The following UTP6 variants were observed in gnomAD, a reference collection of about 807,000 sequenced individuals.
The protein encoded by UTP6 is UTP6 small subunit processome component, also known as U3 small nucleolar RNA-associated protein 6 homolog.
A neutral mutation model predicts 96.5 loss-of-function variants in UTP6; 60 were observed. The ratio of observed to expected loss-of-function variants is 0.62; its 90% CI spans 0.51 to 0.77. The LOEUF (loss-of-function observed/expected upper bound fraction) is 0.77. UTP6 is among the 30% of genes least tolerant of loss of function. The probability of loss-of-function intolerance (pLI) is 0.00; values close to 1 mark genes in which losing one functional copy is unlikely to be tolerated. For missense variants in UTP6, 637 were observed against 706.5 expected, an observed-to-expected ratio of 0.90 and a Z score of 1.12; for synonymous variants, 215 against 240.1, an observed-to-expected ratio of 0.90 and a Z score of 0.96.
intron 16 of UTP6, among the ~76,000 whole-genome samples, chr17:31,872,741 C>T (rs1411813569): frequency 2.0e-5 from 3 of 152,018 alleles, no homozygotes; most frequent in Admixed American, 2.0e-4. Context: ...TGGCTCATGC[C>T]TGTAATCCCA....
intron 4 of UTP6, 70 bp from the exon 5 acceptor site, chr17:31,892,864 A>C: frequency 1.3e-6 from 2 of 1,587,388 alleles, no homozygotes; most frequent in Non-Finnish European, 1.7e-6. Context: ...TGCATTAATT[A>C]ATTTTGCTAA....
chr17:31,890,935 T>C (rs1041183719), intron 6 of UTP6, among the ~76,000 whole-genome samples: 1 of 152,062 alleles, frequency 6.6e-6, no homozygotes, highest in Non-Finnish European at 1.5e-5. Flanking sequence ...TGCAGTGAGC[T>C]GATATCACAC....
chr17:31,898,080 GA>G (rs200650277), intron 2 of UTP6, among the ~76,000 whole-genome samples: 1 of 143,940 alleles, frequency 6.9e-6, no homozygotes, highest in Non-Finnish European at 1.5e-5. Context: ...AAACCCAGTA[GA>G]AAAAAAAAAG....
At position 31,865,390 on chromosome 17, in the gene UTP6, T is replaced by TC. The variant is rs765178587; in HGVS notation, c.1611dup (p.Arg538GlufsTer9). The TC allele has an allele frequency of 6.2e-7, 1 of 1,614,066 alleles. No homozygotes were observed. The highest frequency in any genetic ancestry group is 1.7e-5 in the Admixed American group (1 of 59,996). ...CCAGAATCTGCGGATCCAAACTCTC[T>TC]CAAAGCTCTCTCATAATATTCTCTT... On this transcript the variant is annotated frameshift_variant, in exon 18 of 19. Coordinates refer to ENST00000261708, the MANE Select transcript of UTP6 (RefSeq NM_018428.3). LOFTEE classifies it high-confidence loss of function.
chr17:31,884,592 T>G (rs1911044462), intron 9 of UTP6, 87 bp from the exon 10 acceptor site: 1 of 1,008,290 alleles, frequency 9.9e-7, no homozygotes, highest in African/African-American at 1.7e-5. Flanking sequence ...TGTACTGGAG[T>G]TAATCTTCTT....
At position 31,889,348 on chromosome 17, in the gene UTP6, G is replaced by A. The variant is rs762760099; in HGVS notation, c.480C>T (p.Ser160=). 1.4e-5 allele frequency: 23 copies of A among 1,613,726 alleles called. No individual in the cohort carries two copies. The highest frequency in any genetic ancestry group is 4.5e-5 in the East Asian group (2 of 44,898). Residue 160 remains serine (S), a synonymous_variant, in exon 7 of 19, where the codon AGC becomes AGT. Coordinates refer to ENST00000261708, the MANE Select transcript of UTP6 (RefSeq NM_018428.3). Reference sequence around the variant, plus strand: ...GTGCGCGAAGAAATAGTTGCCTTGCGCTTTCTGAAGACAATCGATCTTCCA... The same window carrying A: ...GTGCGCGAAGAAATAGTTGCCTTGCACTTTCTGAAGACAATCGATCTTCCA... The part of the protein sequence containing the change: ...WEMEDRLSSE[S]ARQLFLRALR...
Position 31,896,812 on chromosome 17 carries a change from T to C in UTP6, c.178-1801A>G, listed in dbSNP as rs1598121120. Among the ~76,000 whole-genome samples the C allele has an allele frequency of 2.6e-5, 4 of 152,036 alleles. No homozygotes were observed. In the South Asian group the frequency reaches 8.3e-4, roughly 32 times the overall value. On this transcript the variant is annotated intron_variant, in intron 2 of 18. Coordinates refer to ENST00000261708, the MANE Select transcript of UTP6 (RefSeq NM_018428.3). ...CCACCATGCCCAGCTAATTTTTGTATTTTTTGTAGAGATGGGGTTTGCCAT... is the reference window on the plus strand; with the variant it reads ...CCACCATGCCCAGCTAATTTTTGTACTTTTTGTAGAGATGGGGTTTGCCAT...
intron 16 of UTP6, among the ~76,000 whole-genome samples, chr17:31,871,731 TA>T (rs992685719): frequency 1.0e-4 from 15 of 150,086 alleles, no homozygotes; most frequent in Middle Eastern, 3.5e-3. Context: ...CCATCTCTAC[TA>T]AAAATAAAAA....
At position 31,887,259 on chromosome 17, in the gene UTP6, ATTCTTCC is replaced by A; in HGVS notation, c.591_597del (p.Lys197AsnfsTer32). The A allele has an allele frequency of 6.2e-7, 1 of 1,614,120 alleles. No individual in the cohort carries two copies. Among genetic ancestry groups the A allele is most frequent in the South Asian group, 1.1e-5 (1 of 91,078 alleles). ...ACCACATCCATACTGGCTTTTTCAA[ATTCTTCC>A]TTCTCCTTCCTCAGTTTTTCAGCAT... On this transcript the variant is annotated frameshift_variant, in exon 8 of 19. Coordinates refer to ENST00000261708, the MANE Select transcript of UTP6 (RefSeq NM_018428.3). LOFTEE classifies it high-confidence loss of function.
chr17:31,896,156 C>A (rs1270359617), intron 2 of UTP6, among the ~76,000 whole-genome samples: 1 of 151,896 alleles, frequency 6.6e-6, no homozygotes, highest in Non-Finnish European at 1.5e-5. Flanking sequence ...AGGCTCACTG[C>A]AACCTCCGCC....
rs555519103 is a variant in UTP6 at position 31,868,049 on chromosome 17, C to G, written c.1560G>C (p.Glu520Asp). The change falls in exon 17 of 19, where the codon GAG becomes GAC. Residue 520 changes from glutamate to aspartate, a missense_variant. Physicochemically the swap from Glu to Asp is conservative, Grantham distance 45. Coordinates refer to ENST00000261708, the MANE Select transcript of UTP6 (RefSeq NM_018428.3). ...FFRKMIQFEK[E>D]QESCNMANIR... is the part of the protein sequence containing the mutation. ...AATGCTGAAACAGAACACTTACTTG[C>G]TCCTTTTCAAACTGAATCATTTTCC... is the stretch of plus-strand genomic sequence containing the variant. 4 of 1,613,132 alleles carry G rather than the reference C, an allele frequency of 2.5e-6. No individual in the cohort carries two copies. In the Admixed American group the frequency reaches 6.7e-5, roughly 27 times the overall value.
At chr17:31,870,373 T>C (rs1268490051) in intron 16 of UTP6, among the ~76,000 whole-genome samples, 2 of 152,184 alleles carry the variant, frequency 1.3e-5, no homozygotes, top group East Asian at 1.9e-4. Context: ...AGTGAGATGG[T>C]ATCTCATTGT....
intron 2 of UTP6, among the ~76,000 whole-genome samples, chr17:31,898,520 C>T (rs1209777506): frequency 5.4e-5 from 8 of 148,194 alleles, no homozygotes; most frequent in Non-Finnish European, 3.0e-5. Context: ...AGTGAAACTC[C>T]ATCTCAAAAA....
At chr17:31,868,462 T>G (rs561541286) in intron 16 of UTP6, among the ~76,000 whole-genome samples, 1 of 149,560 alleles carries the variant, frequency 6.7e-6, no homozygotes, top group African/African-American at 2.4e-5. Context: ...GTAGAGTAAC[T>G]GTGACTACAG....
chr17:31,898,280 T>C (rs908900822), intron 2 of UTP6, among the ~76,000 whole-genome samples: 1 of 152,146 alleles, frequency 6.6e-6, no homozygotes, highest in Admixed American at 6.5e-5. Context: ...CTCATGCCTG[T>C]AATTCCAGCA....
rs1909592935 is a variant in UTP6 at position 31,862,511 on chromosome 17, G to C, written c.*848C>G. 6.6e-6 allele frequency: 1 copy of C among 151,592 alleles called. No individual in the cohort carries two copies. The highest frequency in any genetic ancestry group is 6.6e-5 in the Admixed American group (1 of 15,180). 9.4% of individuals were successfully genotyped at this position (151,592 alleles called of 1,614,324 possible). ...TATTCTATTTCCTCCATATTTTCCA[G>C]AACAAATGCATACCACGTATCTTTT... On this transcript the variant is annotated 3_prime_UTR_variant, in exon 19 of 19. Coordinates refer to ENST00000261708, the MANE Select transcript of UTP6 (RefSeq NM_018428.3).
intron 10 of UTP6, 31 bp from the exon 11 acceptor site, chr17:31,880,785 CACA>C (rs747291571): frequency 1.2e-6 from 2 of 1,612,264 alleles, no homozygotes; most frequent in Non-Finnish European, 1.7e-6. Flanking sequence ...TTATCAATCC[CACA>C]ACAAGAAACT....
chr17:31,901,209 AT>A, intron 1 of UTP6: 1 of 311,520 alleles, frequency 3.2e-6, no homozygotes, highest in Admixed American at 3.9e-5. Flanking sequence ...GTACACTGTT[AT>A]CAAAATATTT....
rs947493107 is a variant in UTP6, at chr17:31,860,977, T to C, written c.*2382A>G. On this transcript the variant is annotated 3_prime_UTR_variant, in exon 19 of 19. Coordinates refer to ENST00000261708, the MANE Select transcript of UTP6 (RefSeq NM_018428.3). Reference sequence around the variant, plus strand: ...GAGAGAAACATAACTGCCCAAATAGTGTTGGCAAAATTAACTGCTTGGGGA... The same window carrying C: ...GAGAGAAACATAACTGCCCAAATAGCGTTGGCAAAATTAACTGCTTGGGGA... 14 of 151,998 alleles carry C rather than the reference T, an allele frequency of 9.2e-5. No individual in the cohort carries two copies. Among genetic ancestry groups the C allele is most frequent in the Non-Finnish European group, 8.8e-5 (6 of 68,020 alleles). 9.4% of individuals were successfully genotyped at this position (151,998 alleles called of 1,614,324 possible).
Sources: gnomAD v4.1 joint callset for allele counts (sites outside exome capture counted in the v4.1 genomes callset) on GRCh38, gnomAD v4.1.1 for gene constraint, MANE v1.5 for transcripts, NCBI Gene and HGNC (gene_info 2026-07-23, HGNC 2026-07-21) for gene names.